The following TNFSF4 variants were observed in gnomAD, a reference collection of about 807,000 sequenced individuals.
The protein encoded by TNFSF4 is tumor necrosis factor ligand superfamily member 4.
A neutral mutation model predicts 7.3 loss-of-function variants in TNFSF4; 4 were observed. That is an observed-to-expected ratio of 0.55 (90% CI 0.27 to 1.25). The LOEUF (loss-of-function observed/expected upper bound fraction) is 1.25. Ranked by LOEUF, TNFSF4 falls within the 50% of genes most tolerant of loss-of-function variation. The pLI is 0.12. For missense variants in TNFSF4, 181 were observed against 208.8 expected, an observed-to-expected ratio of 0.87 and a Z score of 0.82; for synonymous variants, 76 against 83.7, an observed-to-expected ratio of 0.91 and a Z score of 0.50.
At chr1:173,377,285 G>A in the TNFSF4 span, among the ~76,000 whole-genome samples, 2 of 152,144 alleles carry the variant, frequency 1.3e-5, no homozygotes, top group African/African-American at 4.8e-5. Context: ...CCGGGCACCT[G>A]TTGGCCAGTT....
the TNFSF4 span, among the ~76,000 whole-genome samples, chr1:173,309,266 G>A: frequency 5.9e-5 from 9 of 151,704 alleles, no homozygotes; most frequent in East Asian, 1.9e-4. Context: ...GAACAGTAAC[G>A]GCGATGCAGT....
At chr1:173,374,156 TG>T in the TNFSF4 span, among the ~76,000 whole-genome samples, 1 of 152,200 alleles carries the variant, frequency 6.6e-6, no homozygotes, top group African/African-American at 2.4e-5. Context: ...ATATGCTATA[TG>T]GGTGACTTTT....
At chr1:173,259,111 G>C in the TNFSF4 span, among the ~76,000 whole-genome samples, 2,838 of 152,164 alleles carry the variant, frequency 0.019, 77 homozygotes, top group African/African-American at 0.065. Flanking sequence ...TCAGGCTGGT[G>C]CTCCTCTGGG....
At chr1:173,191,966 C>T (rs1209267548) in intron 1 of TNFSF4, among the ~76,000 whole-genome samples, 1 of 152,154 alleles carries the variant, frequency 6.6e-6, no homozygotes. Context: ...CACATGAGAT[C>T]AGGAGTTTGA....
chr1:173,399,040 T>C, the TNFSF4 span, among the ~76,000 whole-genome samples: 1 of 152,180 alleles, frequency 6.6e-6, no homozygotes, highest in Non-Finnish European at 1.5e-5. Context: ...CAAATTACCA[T>C]GTAGCCTGAG....
the TNFSF4 span, among the ~76,000 whole-genome samples, chr1:173,429,735 T>C: frequency 7.2e-5 from 11 of 152,246 alleles, no homozygotes; most frequent in African/African-American, 2.2e-4. Context: ...TAGTTTTTAA[T>C]TGGGTCTGAA....
At chr1:173,402,723 G>C in the TNFSF4 span, among the ~76,000 whole-genome samples, 1 of 152,218 alleles carries the variant, frequency 6.6e-6, no homozygotes, top group African/African-American at 2.4e-5. Context: ...GTGAGTTTGG[G>C]CCAGAAATCT....
At chr1:173,303,317 G>T in the TNFSF4 span, among the ~76,000 whole-genome samples, 1 of 151,858 alleles carries the variant, frequency 6.6e-6, no homozygotes, top group Admixed American at 6.6e-5. Context: ...AAAGGAATGT[G>T]CTTATTAAGG....
chr1:173,277,082 C>T, the TNFSF4 span, among the ~76,000 whole-genome samples: 1 of 152,096 alleles, frequency 6.6e-6, no homozygotes, highest in African/African-American at 2.4e-5. Flanking sequence ...AGAGTGAAAC[C>T]TTCTCTTTGA....
chr1:173,399,828 G>A, the TNFSF4 span, among the ~76,000 whole-genome samples: 1 of 152,120 alleles, frequency 6.6e-6, no homozygotes, highest in African/African-American at 2.4e-5. Context: ...CAGCAACATA[G>A]ACTTCCATCA....
chr1:173,329,255 T>C, the TNFSF4 span, among the ~76,000 whole-genome samples: 1 of 152,174 alleles, frequency 6.6e-6, no homozygotes, highest in East Asian at 1.9e-4. Flanking sequence ...TGACATTGTA[T>C]TTGCATATAA....
At chr1:173,442,707 T>C in the TNFSF4 span, among the ~76,000 whole-genome samples, 2 of 151,914 alleles carry the variant, frequency 1.3e-5, no homozygotes, top group African/African-American at 2.4e-5. Flanking sequence ...CCCGCCACCA[T>C]GCCTGGCTAA....
chr1:173,374,619 C>T, the TNFSF4 span, among the ~76,000 whole-genome samples: 1 of 152,166 alleles, frequency 6.6e-6, no homozygotes, highest in East Asian at 1.9e-4. Flanking sequence ...TGAGGAAAAA[C>T]CCCTTCCGAC....
chr1:173,205,824 A>G (rs147659682), intron 1 of TNFSF4: 13 of 157,738 alleles, frequency 8.2e-5, no homozygotes, highest in Admixed American at 4.9e-4. Context: ...AGAAGACATA[A>G]GAGTGTGGTG....
the TNFSF4 span, among the ~76,000 whole-genome samples, chr1:173,271,204 A>G: frequency 6.6e-6 from 1 of 152,114 alleles, no homozygotes; most frequent in Non-Finnish European, 1.5e-5. Context: ...TGTTTTAGTC[A>G]TGAAGTCATT....
the TNFSF4 span, among the ~76,000 whole-genome samples, chr1:173,264,345 G>A: frequency 7.8e-6 from 1 of 127,768 alleles, no homozygotes; most frequent in South Asian, 2.6e-4. Context: ...TTTTTGTAGA[G>A]ACAGTGGTCT....
At chr1:173,343,303 T>C in the TNFSF4 span, among the ~76,000 whole-genome samples, 1 of 152,094 alleles carries the variant, frequency 6.6e-6, no homozygotes, top group African/African-American at 2.4e-5. Context: ...ACAAATAGGA[T>C]AGTCGGACAA....
the TNFSF4 span, chr1:173,362,530 GC>G: frequency 1.8e-6 from 1 of 540,812 alleles, no homozygotes; most frequent in Non-Finnish European, 3.7e-6. Context: ...GTTGGCTTTT[GC>G]CTCCATCCTT....
the TNFSF4 span, among the ~76,000 whole-genome samples, chr1:173,217,470 T>C: frequency 6.6e-6 from 1 of 152,214 alleles, no homozygotes; most frequent in Non-Finnish European, 1.5e-5. Context: ...AAATGATAGA[T>C]AAATAAATAT....
Sources: gnomAD v4.1 joint callset for allele counts (sites outside exome capture counted in the v4.1 genomes callset) on GRCh38, gnomAD v4.1.1 for gene constraint, MANE v1.5 for transcripts, NCBI Gene and HGNC (gene_info 2026-07-23, HGNC 2026-07-21) for gene names.